PKIB: variants seen among roughly 807,000 people sequenced by gnomAD.
PKIB encodes PKI-beta.
A neutral mutation model predicts 4.5 loss-of-function variants in PKIB; 2 were observed. That is an observed-to-expected ratio of 0.44 (90% CI 0.18 to 1.39). The LOEUF (loss-of-function observed/expected upper bound fraction) is 1.39. Among genes scored for constraint, PKIB ranks in the 40% most tolerant of loss-of-function variants. The pLI is 0.27. For missense variants in PKIB, 94 were observed against 92.6 expected (o/e 1.02, Z -0.06); for synonymous variants, 38 against 36.0 (o/e 1.06, Z -0.20).
At chr6:122,605,808 C>A (rs1774512279), upstream of PKIB, among the ~76,000 whole-genome samples, 1 of 152,174 alleles carries the variant, frequency 6.6e-6, no homozygotes, top group African/African-American at 2.4e-5. Flanking sequence ...AGACTCTGGG[C>A]AGCTCTAATC....
At chr6:122,594,687 G>GGTC (rs1464736060) in intron 3 of PKIB, among the ~76,000 whole-genome samples, 1 of 152,140 alleles carries the variant, frequency 6.6e-6, no homozygotes, top group East Asian at 1.9e-4. Context: ...TATCTCAACA[G>GGTC]GTCGTGGTTT....
At chr6:122,513,803 A>G (rs567004486) in intron 2 of PKIB, among the ~76,000 whole-genome samples, 1 of 152,220 alleles carries the variant, frequency 6.6e-6, no homozygotes, top group Non-Finnish European at 1.5e-5. Context: ...TGCAAAGGAC[A>G]TGACTTCGTT....
chr6:122,552,708 C>G (rs1279690703), intron 2 of PKIB, among the ~76,000 whole-genome samples: 1 of 152,136 alleles, frequency 6.6e-6, no homozygotes, highest in East Asian at 1.9e-4. Flanking sequence ...CAGAGTGCCT[C>G]CAGTCTGCTA....
intron 3 of PKIB, chr6:122,701,419 G>C: frequency 6.4e-7 from 1 of 1,556,042 alleles, no homozygotes; most frequent in Non-Finnish European, 8.7e-7. Context: ...TTAAGGCACT[G>C]TTTTCTCATT....
intron 3 of PKIB, among the ~76,000 whole-genome samples, chr6:122,699,420 G>A (rs1778707890): frequency 6.6e-6 from 1 of 152,124 alleles, no homozygotes; most frequent in African/African-American, 2.4e-5. Flanking sequence ...ATTGGATGGA[G>A]TCAGAAGTTT....
At chr6:122,563,933 C>G (rs776269237) in intron 2 of PKIB, among the ~76,000 whole-genome samples, 1 of 152,166 alleles carries the variant, frequency 6.6e-6, no homozygotes, top group African/African-American at 2.4e-5. Flanking sequence ...AGTCTGCACA[C>G]CAGATTTGCA....
chr6:122,636,563 G>GA lies in PKIB; in HGVS notation c.-76+3202dup, dbSNP rs570102945. 2.0e-4 allele frequency among the ~76,000 whole-genome samples: 30 copies of GA among 152,074 alleles called. No homozygotes were observed. The East Asian group carries it at 5.6e-3, about 28-fold the overall frequency. On this transcript the variant is annotated intron_variant, in intron 2 of 4. Coordinates refer to ENST00000368452, the MANE Select transcript of PKIB (RefSeq NM_181795.3). ...GGCTGTTAAGTATGTTATGCAGAAA[G>GA]AAAAAATAGCAGTAATGAAGGTTTA... is the stretch of plus-strand genomic sequence containing the variant.
At chr6:122,507,671 T>A (rs1468770576) in intron 2 of PKIB, among the ~76,000 whole-genome samples, 3 of 122,652 alleles carry the variant, frequency 2.4e-5, no homozygotes, top group Non-Finnish European at 3.9e-5. Flanking sequence ...GCTTAAAAAT[T>A]TTTTTTTTTT....
At chr6:122,615,270 G>A (rs1359616688) in intron 1 of PKIB, among the ~76,000 whole-genome samples, 5 of 152,132 alleles carry the variant, frequency 3.3e-5, no homozygotes. Flanking sequence ...TTGTAATCCT[G>A]GGGAGGTTTC....
chr6:122,488,238 G>A (rs776767175), intron 2 of PKIB, among the ~76,000 whole-genome samples: 36 of 151,126 alleles, frequency 2.4e-4, no homozygotes, highest in Admixed American at 5.9e-4. Flanking sequence ...ACACACACAC[G>A]CATGTATGTA....
intron 2 of PKIB, among the ~76,000 whole-genome samples, chr6:122,669,042 C>T (rs184348850): frequency 1.4e-4 from 21 of 152,146 alleles, no homozygotes; most frequent in East Asian, 9.7e-4. Flanking sequence ...TATTGAGACC[C>T]CATTCCTATT....
At chr6:122,648,184 G>A (rs890336304) in intron 2 of PKIB, among the ~76,000 whole-genome samples, 7 of 152,170 alleles carry the variant, frequency 4.6e-5, no homozygotes, top group South Asian at 2.1e-4. Context: ...GAACCCTTTC[G>A]TCTCCTAGTG....
intron 2 of PKIB, among the ~76,000 whole-genome samples, chr6:122,546,078 A>T (rs897791441): frequency 1.3e-5 from 2 of 151,960 alleles, no homozygotes; most frequent in Non-Finnish European, 2.9e-5. Flanking sequence ...GTGTAAATAG[A>T]GGGTGTCTTA....
chr6:122,585,427 G>C (rs1342405067), intron 2 of PKIB: 1 of 152,118 alleles, frequency 6.6e-6, no homozygotes, highest in African/African-American at 2.4e-5. Context: ...AGTTGACTTA[G>C]TTGTTGGGCT....
At chr6:122,542,381 T>A (rs530453258) in intron 2 of PKIB, among the ~76,000 whole-genome samples, 5 of 152,202 alleles carry the variant, frequency 3.3e-5, no homozygotes, top group Admixed American at 3.3e-4. Flanking sequence ...TCCTTTCTGT[T>A]TGTTAGTTTT....
intron 3 of PKIB, among the ~76,000 whole-genome samples, chr6:122,603,026 G>A (rs1774426775): frequency 1.3e-5 from 2 of 151,062 alleles, no homozygotes; most frequent in Non-Finnish European, 2.9e-5. Context: ...TTTAAAAGAG[G>A]CTAACTTTTA....
intron 3 of PKIB, among the ~76,000 whole-genome samples, chr6:122,593,525 T>C (rs1019692433): frequency 2.6e-5 from 4 of 152,194 alleles, no homozygotes; most frequent in Non-Finnish European, 4.4e-5. Context: ...CTATTGATAG[T>C]GACTTTATTA....
At chr6:122,637,829 T>C (rs996034898) in intron 2 of PKIB, among the ~76,000 whole-genome samples, 1 of 151,788 alleles carries the variant, frequency 6.6e-6, no homozygotes, top group Non-Finnish European at 1.5e-5. Flanking sequence ...AGTGATAATA[T>C]GGAAAGATGA....
At chr6:122,677,947 G>A (rs979885579) in intron 3 of PKIB, among the ~76,000 whole-genome samples, 3 of 148,956 alleles carry the variant, frequency 2.0e-5, no homozygotes, top group African/African-American at 5.0e-5. Context: ...TCGCTCTGTC[G>A]CCCAGGCTGG....
Sources: gnomAD v4.1 joint callset for allele counts (sites outside exome capture counted in the v4.1 genomes callset) on GRCh38, gnomAD v4.1.1 for gene constraint, MANE v1.5 for transcripts, NCBI Gene and HGNC (gene_info 2026-07-23, HGNC 2026-07-21) for gene names.